LPCAT1: variants seen among roughly 807,000 people sequenced by gnomAD.
LPCAT1 encodes lysophosphatidylcholine acyltransferase 1, also known as 1-acylglycerol-3-phosphate O-acyltransferase.
In LPCAT1, 23 loss-of-function variants were observed where a neutral mutation model predicts 60.9. The observed-to-expected ratio is 0.38, with a 90% CI of 0.27 to 0.53. LPCAT1 has a LOEUF of 0.53. Ranked by LOEUF, LPCAT1 falls within the 20% of genes least tolerant of loss-of-function variation. LPCAT1 has a pLI of 0.82. For missense variants in LPCAT1, 622 were observed against 723.6 expected (o/e 0.86, Z 1.61); for synonymous variants, 340 against 301.1 (o/e 1.13, Z -1.34).
intron 5 of LPCAT1, among the ~76,000 whole-genome samples, chr5:1,484,097 G>A (rs1735279952): frequency 6.6e-6 from 1 of 152,224 alleles, no homozygotes; most frequent in African/African-American, 2.4e-5. Flanking sequence ...TCCAAGGACG[G>A]GCGGATTTGG....
chr5:1,464,681 A>ATCAC (rs1252451526), intron 13 of LPCAT1, among the ~76,000 whole-genome samples: 1 of 145,874 alleles, frequency 6.9e-6, no homozygotes. Context: ...ACACACGGTA[A>ATCAC]ACAAACACAT....
chr5:1,514,539 T>C (rs1455930538), intron 1 of LPCAT1, among the ~76,000 whole-genome samples: 2 of 152,156 alleles, frequency 1.3e-5, no homozygotes, highest in Non-Finnish European at 2.9e-5. Context: ...GGTGGTCAAG[T>C]GAACCAAACG....
In LPCAT1 at chr5:1,466,914, C is replaced by G. The variant is rs749557044; in HGVS notation, c.1279-24G>C. 4 of 1,538,404 alleles carry G rather than the reference C, an allele frequency of 2.6e-6. No individual in the cohort carries two copies. The African/African-American group carries it at 5.5e-5, about 21-fold the overall frequency. ...ATCTGCAAGGCAAACTGGGTGTCACCTTGCAGCCTCCTCCCCTGCCCACCA... is the reference window on the plus strand; with the variant it reads ...ATCTGCAAGGCAAACTGGGTGTCACGTTGCAGCCTCCTCCCCTGCCCACCA... On this transcript the variant is annotated intron_variant, in intron 12 of 13. Transcript: ENST00000283415.
At chr5:1,510,200 G>A (rs2927685) in intron 1 of LPCAT1, among the ~76,000 whole-genome samples, 15,562 of 152,024 alleles carry the variant, frequency 0.1, 1,231 homozygotes, top group African/African-American at 0.22. Flanking sequence ...GAGGATCTGC[G>A]CCTCCCCGCA....
At chr5:1,504,953 G>C (rs1464007569) in intron 1 of LPCAT1, among the ~76,000 whole-genome samples, 2 of 150,104 alleles carry the variant, frequency 1.3e-5, no homozygotes, top group Admixed American at 6.6e-5. Context: ...GCTTCCACCA[G>C]AGTGTGGAAT....
At position 1,477,742 on chromosome 5, in the gene LPCAT1, G is replaced by C. The variant is rs1440447059; in HGVS notation, c.817-256C>G. 6.9e-6 allele frequency among the ~76,000 whole-genome samples: 1 copy of C among 144,184 alleles called. No homozygotes were observed. The highest frequency in any genetic ancestry group is 1.5e-5 in the Non-Finnish European group (1 of 65,072). 94.6% of individuals were successfully genotyped at this position (144,184 alleles called of 152,430 possible). A position where few individuals can be genotyped will look rare whatever the true frequency, so the allele number is the denominator to read the frequency against. ...ACCTGCTGCCTACATCAGAACATCT[G>C]GCTCTCTGATCTACACTCACCCCCG... On this transcript the variant is annotated intron_variant, in intron 8 of 13. Transcript: ENST00000283415. The surrounding 1 kb of genome is among the most constrained non-coding windows in gnomAD (Gnocchi z 6.0).
At chr5:1,467,138 G>A (rs1386883206) in intron 12 of LPCAT1, 2 of 382,506 alleles carry the variant, frequency 5.2e-6, no homozygotes, top group Admixed American at 4.6e-5. Context: ...GGGCTCAGAC[G>A]CTGCCCACCC....
intron 1 of LPCAT1, among the ~76,000 whole-genome samples, chr5:1,515,318 T>C (rs1736474124): frequency 6.7e-6 from 1 of 150,244 alleles, no homozygotes; most frequent in East Asian, 2.0e-4. Flanking sequence ...TGCCCGGCCC[T>C]TCCTACTCCG....
rs934198823 is a variant in LPCAT1, at chr5:1,463,580, G to A, written c.*71C>T. On this transcript the variant is annotated 3_prime_UTR_variant, in exon 14 of 14. Coordinates refer to ENST00000283415, the MANE Select transcript of LPCAT1 (RefSeq NM_024830.5). ...CAGGAGTGAGGAGCGGAGCCCAGAG[G>A]TCACTCGCAAAGAGGCTCATGGCGG... 6 of 1,536,668 alleles carry A rather than the reference G, an allele frequency of 3.9e-6. No homozygotes were observed. Among genetic ancestry groups the A allele is most frequent in the African/African-American group, 2.7e-5 (2 of 73,346 alleles).
rs1165540684 is a variant in LPCAT1 at position 1,521,422 on chromosome 5, T to C, written c.135+2288A>G. 2 of 985,332 alleles carry C rather than the reference T, an allele frequency of 2.0e-6. No homozygotes were observed. Among genetic ancestry groups the C allele is most frequent in the African/African-American group, 1.7e-5 (1 of 57,236 alleles). The allele number at this position is 985,332 out of a possible 1,614,324, so 61.0% of individuals were successfully genotyped here. A position where few individuals can be genotyped will look rare whatever the true frequency, so the allele number is the denominator to read the frequency against. On this transcript the variant is annotated intron_variant, in intron 1 of 13. Transcript: ENST00000283415. This position sits in a 1 kb window ranked among gnomAD's most constrained non-coding sequence, Gnocchi z 4.3. ...TGTCAGCCACTACTGGACCCATTTC[T>C]TTCTTTGGGGAAGAAGGCTTTCTTG... is the stretch of plus-strand genomic sequence containing the variant.
At chr5:1,520,550 C>G (rs4398676) in intron 1 of LPCAT1, among the ~76,000 whole-genome samples, 79,494 of 151,944 alleles carry the variant, frequency 0.52, 21,056 homozygotes, top group Non-Finnish European at 0.55. Flanking sequence ...TGGTTCCGAG[C>G]AGCAGAGACT....
chr5:1,483,464 G>A lies in LPCAT1; in HGVS notation c.690C>T (p.Pro230=), dbSNP rs749476564. Residue 230 remains proline (P), a synonymous_variant, in exon 6 of 14, where the codon CCC becomes CCT. Coordinates refer to ENST00000283415, the MANE Select transcript of LPCAT1 (RefSeq NM_024830.5). The surrounding 1 kb of genome is among the most constrained non-coding windows in gnomAD (Gnocchi z 9.2). ...FKPGAFIPGA[P]VQPVVLRYPN... ...GATATCGTAAAACCACAGGCTGGAC[G>A]GGCGCTCCAGGGATGAATGCACCTG... is the stretch of plus-strand genomic sequence containing the variant. 115 of 1,613,584 alleles carry A rather than the reference G, an allele frequency of 7.1e-5. No individual in the cohort carries two copies. Among genetic ancestry groups the A allele is most frequent in the South Asian group, 9.9e-5 (9 of 91,092 alleles).
chr5:1,489,851 G>T lies in LPCAT1; in HGVS notation c.501C>A (p.Ile167=). The T allele has an allele frequency of 6.2e-7, 1 of 1,608,938 alleles. No homozygotes were observed. Among genetic ancestry groups the T allele is most frequent in the Non-Finnish European group, 8.5e-7 (1 of 1,175,302 alleles). ...ACACGAACACAGGCCGTATATACTGGATCAGAGCTGGAAGAGAGGAGGGGA... is the reference window on the plus strand; with the variant it reads ...ACACGAACACAGGCCGTATATACTGTATCAGAGCTGGAAGAGAGGAGGGGA... ...SRDIPIWGTL[I]QYIRPVFVSR... Residue 167 remains isoleucine (I), a synonymous_variant, in exon 4 of 14, where the codon ATC becomes ATA. Transcript: ENST00000283415.
chr5:1,468,008 TGGGAGGGGCGTCGCCTCTCTTCA>T (rs758328904), intron 12 of LPCAT1, among the ~76,000 whole-genome samples: 5 of 152,096 alleles, frequency 3.3e-5, no homozygotes, highest in East Asian at 1.9e-4. Flanking sequence ...GTGGGCTGCC[TGGGAGGGGCGTCGCCTCTCTTCA>T]GGGAGGGGCT....
intron 11 of LPCAT1, among the ~76,000 whole-genome samples, chr5:1,471,193 T>A (rs1381986535): frequency 6.6e-6 from 1 of 152,232 alleles, no homozygotes; most frequent in African/African-American, 2.4e-5. Flanking sequence ...GCACACGCGA[T>A]GCAATGCCTG....
chr5:1,479,036 T>A (rs563652615), intron 8 of LPCAT1, among the ~76,000 whole-genome samples: 2 of 152,318 alleles, frequency 1.3e-5, no homozygotes, highest in South Asian at 4.2e-4. Flanking sequence ...AAATAATTAT[T>A]TGCATGTGGG....
intron 1 of LPCAT1, among the ~76,000 whole-genome samples, chr5:1,518,088 T>G (rs998804459): frequency 1.3e-5 from 2 of 152,244 alleles, no homozygotes; most frequent in Non-Finnish European, 2.9e-5. Context: ...CGCCCCACTC[T>G]GAGCACGGCC....
chr5:1,483,984 G>A lies in LPCAT1; in HGVS notation c.668-498C>T, dbSNP rs556560766. 2.0e-5 allele frequency among the ~76,000 whole-genome samples: 3 copies of A among 152,254 alleles called. No individual in the cohort carries two copies. The highest frequency in any genetic ancestry group is 2.9e-5 in the Non-Finnish European group (2 of 68,046). On this transcript the variant is annotated intron_variant, in intron 5 of 13. Coordinates refer to ENST00000283415, the MANE Select transcript of LPCAT1 (RefSeq NM_024830.5). The surrounding 1 kb of genome is among the most constrained non-coding windows in gnomAD (Gnocchi z 9.2). Reference sequence around the variant, plus strand: ...TGGGAAGTGGGGGTCCTCATCACCGGCCAATGCTCACCCACCTGACGGGGT... The same window carrying A: ...TGGGAAGTGGGGGTCCTCATCACCGACCAATGCTCACCCACCTGACGGGGT...
Position 1,501,478 on chromosome 5 carries a change from G to C in LPCAT1, c.261C>G (p.Pro87=). 1 of 1,612,992 alleles carries C rather than the reference G, an allele frequency of 6.2e-7. No individual in the cohort carries two copies. Among genetic ancestry groups the C allele is most frequent in the Non-Finnish European group, 8.5e-7 (1 of 1,179,656 alleles). The stretch of plus-strand genomic sequence containing the variant: ...CAACTTACTTCCTCCACAGGGCCGG[G>C]GGCTGCTCGGGTTCCTTCTCCGCAG... ...LGSAEKEPEQ[P]PALWRKVVDF... The change falls in exon 2 of 14, where the codon CCC becomes CCG. Residue 87 remains proline (P), a synonymous_variant. Transcript: ENST00000283415.
Sources: gnomAD v4.1 joint callset for allele counts (sites outside exome capture counted in the v4.1 genomes callset) on GRCh38, gnomAD v4.1.1 for gene constraint, Gnocchi (gnomAD v3.1) non-coding constraint, MANE v1.5 for transcripts, NCBI Gene and HGNC (gene_info 2026-07-23, HGNC 2026-07-21) for gene names.